The following PARP14 variants were observed in gnomAD, a reference collection of about 807,000 sequenced individuals.
PARP14 encodes poly(ADP-ribose) polymerase family member 14, also known as protein mono-ADP-ribosyltransferase PARP14.
PARP14 carries 59 observed loss-of-function variants against 154.2 expected under a neutral mutation model. The ratio of observed to expected loss-of-function variants is 0.38; its 90% CI spans 0.31 to 0.48. The LOEUF (loss-of-function observed/expected upper bound fraction) is 0.48, where lower values mean the gene tolerates loss of function less well. PARP14 is among the 20% of genes least tolerant of loss of function. The pLI is 0.98. For synonymous variants in PARP14, 720 were observed against 780.5 expected (o/e 0.92, Z 1.29); for missense variants, 1,734 against 2,131.6 (o/e 0.81, Z 3.67).
rs751753302 is a variant in PARP14 at position 122,717,902 on chromosome 3, A to G, written c.4001-169A>G. On this transcript the variant is annotated intron_variant, in intron 12 of 16. Coordinates refer to ENST00000474629, the MANE Select transcript of PARP14 (RefSeq NM_017554.3). ...TCCTGGAACAAAAACACTTCATTGC[A>G]TCTAGGACTTCAAAAGTGTTTGCTG... Among the ~76,000 whole-genome samples, 6 of 152,332 alleles carry G rather than the reference A, an allele frequency of 3.9e-5. No homozygotes were observed. In the South Asian group the frequency reaches 1.0e-3, roughly 26 times the overall value.
chr3:122,681,631 C>G lies in PARP14; in HGVS notation c.187+561C>G, dbSNP rs984224188. 6.6e-6 allele frequency among the ~76,000 whole-genome samples: 1 copy of G among 152,158 alleles called. No individual in the cohort carries two copies. Among genetic ancestry groups the G allele is most frequent in the African/African-American group, 2.4e-5 (1 of 41,436 alleles). On this transcript the variant is annotated intron_variant, in intron 1 of 16. Transcript: ENST00000474629. The surrounding 1 kb of genome is among the most constrained non-coding windows in gnomAD (Gnocchi z 5.5). ...CGGCCACATTGGAGGGGCTGTCGAT[C>G]GACCACAGGTGCCCATTGTCGAGGG...
chr3:122,690,862 C>G (rs767753763), intron 3 of PARP14, among the ~76,000 whole-genome samples: 2 of 152,182 alleles, frequency 1.3e-5, no homozygotes, highest in Non-Finnish European at 2.9e-5. Flanking sequence ...TAGTTGGCAG[C>G]TGTGATGGTG....
At position 122,713,756 on chromosome 3, in the gene PARP14, A is replaced by G. The variant is rs1246104616; in HGVS notation, c.3770-116A>G. The G allele has an allele frequency of 4.6e-6, 4 of 876,078 alleles. No individual in the cohort carries two copies. In the Admixed American group the frequency reaches 8.2e-5, roughly 18 times the overall value. 54.3% of individuals were successfully genotyped at this position (876,078 alleles called of 1,614,324 possible). ...AGTTTTCTTCTTTGTCATCAGCAAT[A>G]CCCAATTAGAGGATTCCTCAGATGA... is the stretch of plus-strand genomic sequence containing the variant. On this transcript the variant is annotated intron_variant, in intron 10 of 16. Transcript: ENST00000474629.
In PARP14 at chr3:122,704,688, G is replaced by T; in HGVS notation, c.3480G>T (p.Gln1160His). The change falls in exon 8 of 17, where the codon CAG becomes CAT. Residue 1160 changes from glutamine to histidine, a missense_variant. Gln to His is a conservative substitution (Grantham distance 24, BLOSUM62 0). Around this residue, in one of 2 missense-constraint regions of PARP14, gnomAD observed 1,646 missense variants for 1,976.0 expected, o/e 0.83. Transcript: ENST00000474629. Reference protein sequence around the residue: ...SEVFKFSSKNQLKTLQEVHFL... With the variant: ...SEVFKFSSKNHLKTLQEVHFL... ...TGTTCAAATTTAGTAGCAAGAATCA[G>T]CTGAAAACTTTACAAGAGGTTCACT... The T allele has an allele frequency of 6.2e-7, 1 of 1,607,464 alleles. No individual in the cohort carries two copies. Among genetic ancestry groups the T allele is most frequent in the East Asian group, 2.2e-5 (1 of 44,738 alleles).
rs1466984884 is a variant in PARP14 at position 122,681,151 on chromosome 3, G to A, written c.187+81G>A. On this transcript the variant is annotated intron_variant, in intron 1 of 16. Transcript: ENST00000474629. The surrounding 1 kb of genome is among the most constrained non-coding windows in gnomAD (Gnocchi z 5.5). ...AAATGGCGGCAGGGCACGCACGGGAGGGTGACCCGCCCGACTTCGGCGGCT... is the reference window on the plus strand; with the variant it reads ...AAATGGCGGCAGGGCACGCACGGGAAGGTGACCCGCCCGACTTCGGCGGCT... The A allele has an allele frequency of 9.5e-7, 1 of 1,055,618 alleles. No homozygotes were observed. The highest frequency in any genetic ancestry group is 1.4e-6 in the Non-Finnish European group (1 of 725,060). 65.4% of individuals were successfully genotyped at this position (1,055,618 alleles called of 1,614,324 possible).
intron 2 of PARP14, chr3:122,686,849 G>A (rs924931335): frequency 2.0e-6 from 1 of 495,080 alleles, no homozygotes; most frequent in African/African-American, 2.0e-5. Flanking sequence ...CAAATGCTTG[G>A]TGTTAATTGA....
At chr3:122,687,056 G>A in intron 2 of PARP14, 24 bp from the exon 3 acceptor site, 1 of 1,532,962 alleles carries the variant, frequency 6.5e-7, no homozygotes, top group Non-Finnish European at 8.9e-7. Flanking sequence ...ATGTATTAAT[G>A]CTACTTTATT....
At position 122,717,827 on chromosome 3, in the gene PARP14, G is replaced by T. The variant is rs145165251; in HGVS notation, c.4001-244G>T. On this transcript the variant is annotated intron_variant, in intron 12 of 16. Coordinates refer to ENST00000474629, the MANE Select transcript of PARP14 (RefSeq NM_017554.3). ...TAGATATGATTGTCAGACACCAAAA[G>T]TCAGATTTCTGGGTCCTTTGTTCAC... 4.6e-5 allele frequency among the ~76,000 whole-genome samples: 7 copies of T among 152,316 alleles called. No homozygotes were observed. The East Asian group carries it at 1.2e-3, about 25-fold the overall frequency.
intron 9 of PARP14, among the ~76,000 whole-genome samples, chr3:122,711,138 G>T (rs1939308977): frequency 6.6e-6 from 1 of 152,134 alleles, no homozygotes; most frequent in African/African-American, 2.4e-5. Context: ...AATAGAAGTG[G>T]TAAAAGTGGG....
intron 14 of PARP14, among the ~76,000 whole-genome samples, chr3:122,719,179 C>T (rs1933088271): frequency 6.6e-6 from 1 of 152,130 alleles, no homozygotes. Context: ...TTCTTGGTAA[C>T]AATAGTCAAA....
At chr3:122,709,406 A>G (rs917587376) in intron 9 of PARP14, among the ~76,000 whole-genome samples, 1 of 152,190 alleles carries the variant, frequency 6.6e-6, no homozygotes. Context: ...ATGGCTGAAG[A>G]GTATTCCATA....
rs770412021 is a variant in PARP14 at position 122,718,882 on chromosome 3, AG to A, written c.4732del (p.Val1578Ter). On this transcript the variant is annotated frameshift_variant, in exon 14 of 17. Coordinates refer to ENST00000474629, the MANE Select transcript of PARP14 (RefSeq NM_017554.3). LOFTEE classifies it high-confidence loss of function. The stretch of plus-strand genomic sequence containing the variant: ...TCAAAATTAATCATCGGCACTACAC[AG>A]TGAACTTGAACACATACACTGCCAC... ...DVKINHRHYTVNLNTYTATDT... is the reference protein window; with the variant it reads ...DVKINHRHYTXNLNTYTATDT... 1.2e-6 allele frequency: 2 copies of A among 1,613,920 alleles called. No homozygotes were observed. The highest frequency in any genetic ancestry group is 2.2e-5 in the South Asian group (2 of 91,062).
chr3:122,685,707 A>C (rs1938353329), intron 2 of PARP14, among the ~76,000 whole-genome samples: 1 of 152,004 alleles, frequency 6.6e-6, no homozygotes. Context: ...ACGGGGTTTC[A>C]CCATATTGGC....
In PARP14 at chr3:122,695,481, G is replaced by A; in HGVS notation, c.654G>A (p.Gln218=). ...AGCACCATTCAATTAAACAACTTCA[G>A]CTTTCTCCAAGACTTCTGGAAGTGA... ...CTKHHSIKQL[Q]LSPRLLEVTN... is the part of the protein sequence containing the mutation. The change falls in exon 5 of 17, where the codon CAG becomes CAA. Residue 218 remains glutamine, a synonymous_variant. Coordinates refer to ENST00000474629, the MANE Select transcript of PARP14 (RefSeq NM_017554.3). 6.2e-7 allele frequency: 1 copy of A among 1,609,482 alleles called. No homozygotes were observed. Among genetic ancestry groups the A allele is most frequent in the Non-Finnish European group, 8.5e-7 (1 of 1,177,266 alleles).
intron 9 of PARP14, among the ~76,000 whole-genome samples, chr3:122,710,973 A>T (rs58929398): frequency 0.2 from 30,057 of 152,008 alleles, 3,073 homozygotes; most frequent in Middle Eastern, 0.26. Flanking sequence ...GTTTATCAGA[A>T]CTAGGAGCTT....
chr3:122,717,567 G>A (rs1933030032), intron 12 of PARP14, among the ~76,000 whole-genome samples: 1 of 152,154 alleles, frequency 6.6e-6, no homozygotes, highest in African/African-American at 2.4e-5. Context: ...ACTAAATTTT[G>A]CTTAGTTCAA....
intron 1 of PARP14, 44 bp from the exon 2 acceptor site, chr3:122,685,141 G>A (rs781148986): frequency 6.2e-7 from 1 of 1,603,212 alleles, no homozygotes; most frequent in South Asian, 1.1e-5. Flanking sequence ...TGTAAATAAA[G>A]ATTGCTTGTC....
intron 12 of PARP14, among the ~76,000 whole-genome samples, chr3:122,716,539 C>T (rs189200609): frequency 6.6e-6 from 1 of 152,248 alleles, no homozygotes; most frequent in East Asian, 1.9e-4. Context: ...GCAACGTGAA[C>T]CATGATATAG....
chr3:122,709,414 A>G (rs6438757), intron 9 of PARP14, among the ~76,000 whole-genome samples: 67,985 of 152,068 alleles, frequency 0.45, 16,094 homozygotes, highest in South Asian at 0.54. Flanking sequence ...AGAGTATTCC[A>G]TAGTGTATAT....
Sources: gnomAD v4.1 joint callset for allele counts (sites outside exome capture counted in the v4.1 genomes callset) on GRCh38, gnomAD v4.1.1 for gene constraint, gnomAD v4.1.1 regional missense constraint, Gnocchi (gnomAD v3.1) non-coding constraint, MANE v1.5 for transcripts, NCBI Gene and HGNC (gene_info 2026-07-23, HGNC 2026-07-21) for gene names.